Variants in LRP1B observed in about 807,000 individuals in gnomAD.
LRP1B encodes low-density lipoprotein receptor-related protein 1B.
LRP1B carries 217 observed loss-of-function variants against 556.6 expected under a neutral mutation model. The ratio of observed to expected loss-of-function variants is 0.39; its 90% CI spans 0.35 to 0.44. The LOEUF is 0.44. Ranked by LOEUF, LRP1B falls within the 20% of genes least tolerant of loss-of-function variation. The pLI is 1.00. For missense variants in LRP1B, 5,053 were observed against 5,620.8 expected, an observed-to-expected ratio of 0.90 and a Z score of 3.23; for synonymous variants, 2,047 against 1,865.8, an observed-to-expected ratio of 1.10 and a Z score of -2.50.
rs2105397286 is a variant in LRP1B, at chr2:141,020,098, C to A, written c.1794G>T (p.Leu598=). ...CCACAGCAATGCCCTCTACATTATC[C>A]AGATCTATAAAAAAAGCAAAAACAA... ...TERETILKDD[L]DNVEGIAVDW... Residue 598 remains leucine (L), a synonymous_variant, in exon 12 of 91, where the codon CTG becomes CTT. Transcript: ENST00000389484. The A allele has an allele frequency of 6.6e-7, 1 of 1,515,466 alleles. No individual in the cohort carries two copies. The highest frequency in any genetic ancestry group is 8.9e-7 in the Non-Finnish European group (1 of 1,129,102). 93.9% of individuals were successfully genotyped at this position (1,515,466 alleles called of 1,614,324 possible).
At chr2:140,373,967 A>G (rs561714646) in intron 68 of LRP1B, among the ~76,000 whole-genome samples, 1 of 152,248 alleles carries the variant, frequency 6.6e-6, no homozygotes, top group South Asian at 2.1e-4. Context: ...CCTTTGCACC[A>G]ATCCTTTTAC....
intron 2 of LRP1B, among the ~76,000 whole-genome samples, chr2:141,631,496 G>A (rs1574165346): frequency 6.9e-6 from 1 of 143,916 alleles, no homozygotes; most frequent in Admixed American, 7.3e-5. Flanking sequence ...CTTGTGCTAG[G>A]TTCCATGTAA....
At chr2:142,071,696 T>C (rs1329345650) in intron 1 of LRP1B, among the ~76,000 whole-genome samples, 1 of 151,942 alleles carries the variant, frequency 6.6e-6, no homozygotes, top group East Asian at 1.9e-4. Context: ...ATATTTTCTC[T>C]CTGGTTCCTC....
At chr2:141,516,389 T>A (rs544209413) in intron 2 of LRP1B, among the ~76,000 whole-genome samples, 2 of 152,346 alleles carry the variant, frequency 1.3e-5, no homozygotes, top group South Asian at 4.1e-4. Flanking sequence ...ATCATTGATA[T>A]TCTAAATACT....
At position 142,101,284 on chromosome 2, in the gene LRP1B, A is replaced by G. The variant is rs546184394; in HGVS notation, c.82+29364T>C. Reference sequence around the variant, plus strand: ...AACTTCATAATCATTCACATAGTAAAAAAAGTTATTGCTTTGGGAAAAGTT... The same window carrying G: ...AACTTCATAATCATTCACATAGTAAGAAAAGTTATTGCTTTGGGAAAAGTT... On this transcript the variant is annotated intron_variant, in intron 1 of 90. Transcript: ENST00000389484. Among the ~76,000 whole-genome samples the G allele has an allele frequency of 1.4e-3, 210 of 152,116 alleles. 2 individuals are homozygous for G. The highest frequency in any genetic ancestry group is 2.3e-3 in the Non-Finnish European group (159 of 67,934).
chr2:141,952,855 A>G (rs574970377), intron 1 of LRP1B, among the ~76,000 whole-genome samples: 1 of 152,202 alleles, frequency 6.6e-6, no homozygotes, highest in South Asian at 2.1e-4. Context: ...TTATGTTTCA[A>G]TGAAAGCCTT....
intron 3 of LRP1B, among the ~76,000 whole-genome samples, chr2:141,395,456 A>G (rs1433292504): frequency 6.6e-6 from 1 of 152,310 alleles, no homozygotes; most frequent in East Asian, 1.9e-4. Context: ...TACCAGACAG[A>G]TATACCAGAT....
At chr2:140,235,888 A>C (rs1458780448) in intron 89 of LRP1B, among the ~76,000 whole-genome samples, 1 of 151,052 alleles carries the variant, frequency 6.6e-6, no homozygotes, top group African/African-American at 2.4e-5. Flanking sequence ...CTATATTTTT[A>C]TTCCTAAGAA....
intron 2 of LRP1B, among the ~76,000 whole-genome samples, chr2:141,708,015 G>A (rs1258928450): frequency 6.6e-6 from 1 of 152,096 alleles, no homozygotes; most frequent in African/African-American, 2.4e-5. Context: ...AAAGAAAAGT[G>A]CCTTCTAAGT....
At chr2:140,482,572 T>A (rs1296222453) in intron 59 of LRP1B, among the ~76,000 whole-genome samples, 1 of 152,116 alleles carries the variant, frequency 6.6e-6, no homozygotes, top group African/African-American at 2.4e-5. Flanking sequence ...GATAAAATTA[T>A]AGGAAAAATT....
intron 7 of LRP1B, among the ~76,000 whole-genome samples, chr2:141,097,866 A>C (rs927874845): frequency 6.6e-6 from 1 of 152,210 alleles, no homozygotes; most frequent in African/African-American, 2.4e-5. Flanking sequence ...GTGATTGTTA[A>C]TTAGGTTAAC....
At chr2:140,754,278 T>C (rs1023375070) in intron 35 of LRP1B, among the ~76,000 whole-genome samples, 3 of 152,110 alleles carry the variant, frequency 2.0e-5, no homozygotes, top group Admixed American at 6.6e-5. Flanking sequence ...GAGAAAACTG[T>C]GGAAAAAGAC....
chr2:141,818,749 G>A (rs575399482), intron 1 of LRP1B, among the ~76,000 whole-genome samples: 1 of 150,876 alleles, frequency 6.6e-6, no homozygotes, highest in South Asian at 2.1e-4. Context: ...TGTTAGCCAG[G>A]ATGGTCTCGA....
chr2:140,893,789 G>A (rs987993221), intron 23 of LRP1B, among the ~76,000 whole-genome samples: 5 of 152,112 alleles, frequency 3.3e-5, no homozygotes, highest in Non-Finnish European at 5.9e-5. Context: ...GATAGTGAAC[G>A]GAATATGTGA....
At chr2:142,067,021 T>A (rs771595224) in intron 1 of LRP1B, among the ~76,000 whole-genome samples, 2 of 151,436 alleles carry the variant, frequency 1.3e-5, no homozygotes, top group Non-Finnish European at 3.0e-5. Flanking sequence ...TTCTCACATC[T>A]CTTGGCTCAT....
At chr2:140,751,894 C>A (rs1373367950) in intron 35 of LRP1B, among the ~76,000 whole-genome samples, 1 of 151,990 alleles carries the variant, frequency 6.6e-6, no homozygotes, top group African/African-American at 2.4e-5. Context: ...TTACTAAACA[C>A]AAGAGAAAAA....
At chr2:140,324,728 T>C (rs1680368080) in intron 80 of LRP1B, among the ~76,000 whole-genome samples, 1 of 152,022 alleles carries the variant, frequency 6.6e-6, no homozygotes, top group African/African-American at 2.4e-5. Context: ...ACGACATTTA[T>C]ATTTTACTAA....
At chr2:141,791,042 T>C (rs1205115943) in intron 2 of LRP1B, among the ~76,000 whole-genome samples, 1 of 151,950 alleles carries the variant, frequency 6.6e-6, no homozygotes, top group Non-Finnish European at 1.5e-5. Context: ...GTAAGTGAAG[T>C]TCTGTTTTTT....
chr2:140,868,696 G>C (rs747485186), intron 25 of LRP1B, among the ~76,000 whole-genome samples: 2 of 152,104 alleles, frequency 1.3e-5, no homozygotes, highest in Admixed American at 6.6e-5. Context: ...TGTATTAGAA[G>C]CATAGTGAGT....
Sources: gnomAD v4.1 joint callset for allele counts (sites outside exome capture counted in the v4.1 genomes callset) on GRCh38, gnomAD v4.1.1 for gene constraint, MANE v1.5 for transcripts, NCBI Gene and HGNC (gene_info 2026-07-23, HGNC 2026-07-21) for gene names.